The following LRRC58 variants were observed in gnomAD, a reference collection of about 807,000 sequenced individuals.
The protein encoded by LRRC58 is leucine-rich repeat-containing protein 58.
In LRRC58, 18 loss-of-function variants were observed where a neutral mutation model predicts 30.6. That is an observed-to-expected ratio of 0.59 (90% CI 0.41 to 0.87). LRRC58 has a LOEUF of 0.87. Among genes scored for constraint, LRRC58 ranks in the 40% least tolerant of loss-of-function variants. LRRC58 has a pLI of 0.00. For missense variants in LRRC58, 420 were observed against 468.4 expected (o/e 0.90, Z 0.95); for synonymous variants, 221 against 206.0 (o/e 1.07, Z -0.62).
Position 120,334,232 on chromosome 3 carries a change from T to C in LRRC58, c.907+630A>G, listed in dbSNP as rs148276757. Among the ~76,000 whole-genome samples, 217 of 152,166 alleles carry C rather than the reference T, an allele frequency of 1.4e-3. 2 individuals are homozygous for C. The East Asian group carries it at 0.031, about 22-fold the overall frequency. On this transcript the variant is annotated intron_variant, in intron 3 of 3. Transcript: ENST00000295628. ...ATAAATATAAAAGGTGGGCCGGGCG[T>C]GGTGGCTCACGCCTGTAATCCCAGC...
At chr3:120,335,181 G>GT (rs748355320) in intron 2 of LRRC58, 42 bp from the exon 3 acceptor site, 43 of 1,535,476 alleles carry the variant, frequency 2.8e-5, no homozygotes, top group Non-Finnish European at 3.3e-5. Flanking sequence ...AGTAAACAAC[G>GT]TAACTATCAA....
At chr3:120,336,317 G>A (rs896395119) in intron 1 of LRRC58, among the ~76,000 whole-genome samples, 10 of 152,208 alleles carry the variant, frequency 6.6e-5, no homozygotes, top group East Asian at 1.9e-4. Flanking sequence ...CTTCCCCAAA[G>A]GGCTGTGACT....
At chr3:120,337,800 ACTTC>A (rs1162884229) in intron 1 of LRRC58, among the ~76,000 whole-genome samples, 1 of 151,784 alleles carries the variant, frequency 6.6e-6, no homozygotes, top group Non-Finnish European at 1.5e-5. Context: ...ACTGCTAAAA[ACTTC>A]CTGAAATGAG....
At chr3:120,343,495 A>AAGAAAAGTACTCACT (rs1202137500) in intron 1 of LRRC58, among the ~76,000 whole-genome samples, 1 of 152,236 alleles carries the variant, frequency 6.6e-6, no homozygotes, top group Non-Finnish European at 1.5e-5. Flanking sequence ...TACAGAAAAC[A>AAGAAAAGTACTCACT]AGAAAAGTAC....
intron 3 of LRRC58, among the ~76,000 whole-genome samples, chr3:120,334,332 G>A (rs1314476515): frequency 7.3e-6 from 1 of 136,474 alleles, no homozygotes; most frequent in Non-Finnish European, 1.7e-5. Context: ...GTGAAACCCC[G>A]TCTCTACTAA....
rs1206466090 is a variant in LRRC58 at position 120,325,383 on chromosome 3, T to G, written c.*5817A>C. 3 of 152,256 alleles carry G rather than the reference T, an allele frequency of 2.0e-5. No individual in the cohort carries two copies. Among genetic ancestry groups the G allele is most frequent in the Non-Finnish European group, 4.4e-5 (3 of 68,046 alleles). The allele number at this position is 152,256 out of a possible 1,614,324, so 9.4% of individuals were successfully genotyped here. On this transcript the variant is annotated 3_prime_UTR_variant, in exon 4 of 4. Transcript: ENST00000295628. ...AAAGGAACAAGTACATTCTGGTGAATGCAGATGTTCTTTCCACCATAGGTT... is the reference window on the plus strand; with the variant it reads ...AAAGGAACAAGTACATTCTGGTGAAGGCAGATGTTCTTTCCACCATAGGTT...
In LRRC58 at chr3:120,331,349, G is replaced by A; in HGVS notation, c.967C>T (p.Arg323Cys). ...IKFVDFCGKY[R>C]LPLMHYLCSP... The stretch of plus-strand genomic sequence containing the variant: ...CACAAGTAGTGCATCAGTGGGAGGC[G>A]ATACTTCCCACAGAAGTCCACAAAT... Residue 323 changes from arginine (R) to cysteine (C), a missense_variant, in exon 4 of 4, where the codon CGC (arginine) becomes TGC (cysteine). Physicochemically the swap from Arg to Cys is radical, Grantham distance 180. Coordinates refer to ENST00000295628, the MANE Select transcript of LRRC58 (RefSeq NM_001099678.2). The A allele has an allele frequency of 1.9e-6, 3 of 1,613,794 alleles. No homozygotes were observed. Among genetic ancestry groups the A allele is most frequent in the Admixed American group, 1.7e-5 (1 of 60,026 alleles).
chr3:120,345,824 T>G (rs1179011032), intron 1 of LRRC58, among the ~76,000 whole-genome samples: 1 of 152,244 alleles, frequency 6.6e-6, no homozygotes, highest in Non-Finnish European at 1.5e-5. Context: ...ATATCATACA[T>G]TATTGGTGTC....
At position 120,335,078 on chromosome 3, in the gene LRRC58, T is replaced by A; in HGVS notation, c.691A>T (p.Ile231Phe). 6.2e-7 allele frequency: 1 copy of A among 1,613,930 alleles called. No homozygotes were observed. Among genetic ancestry groups the A allele is most frequent in the Non-Finnish European group, 8.5e-7 (1 of 1,179,856 alleles). Residue 231 changes from isoleucine (I) to phenylalanine (F), a missense_variant, in exon 3 of 4, where the codon ATC (isoleucine) becomes TTC (phenylalanine). Ile to Phe is a conservative substitution (Grantham distance 21). Coordinates refer to ENST00000295628, the MANE Select transcript of LRRC58 (RefSeq NM_001099678.2). ...NNLLTYLPRE[I>F]LNLIHLEELS... is the part of the protein sequence containing the mutation. ...TCTTCCAAATGAATAAGGTTGAGGA[T>A]CTCTCGAGGCAGATATGTCAGCAAG...
At chr3:120,340,666 G>A (rs941919676) in intron 1 of LRRC58, among the ~76,000 whole-genome samples, 5 of 152,100 alleles carry the variant, frequency 3.3e-5, no homozygotes, top group Non-Finnish European at 5.9e-5. Flanking sequence ...TTGAGGTCAC[G>A]AGTTCGAGAC....
In LRRC58 at chr3:120,328,840, A is replaced by G. The variant is rs1438577723; in HGVS notation, c.*2360T>C. On this transcript the variant is annotated 3_prime_UTR_variant, in exon 4 of 4. Coordinates refer to ENST00000295628, the MANE Select transcript of LRRC58 (RefSeq NM_001099678.2). ...GACGGCTAAATGTAGACTTCATTAA[A>G]AATTACCAAAAGACAGTTGTATGCT... The G allele has an allele frequency of 6.6e-6, 1 of 152,222 alleles. No individual in the cohort carries two copies. The highest frequency in any genetic ancestry group is 1.5e-5 in the Non-Finnish European group (1 of 68,016). 9.4% of individuals were successfully genotyped at this position (152,222 alleles called of 1,614,324 possible).
intron 1 of LRRC58, among the ~76,000 whole-genome samples, chr3:120,337,230 A>G (rs1935847185): frequency 1.3e-5 from 2 of 152,242 alleles, no homozygotes; most frequent in Non-Finnish European, 2.9e-5. Context: ...ATCCATAATT[A>G]GCATATAAGA....
At chr3:120,337,444 T>C (rs1345980175) in intron 1 of LRRC58, among the ~76,000 whole-genome samples, 1 of 152,230 alleles carries the variant, frequency 6.6e-6, no homozygotes, top group Non-Finnish European at 1.5e-5. Flanking sequence ...GTTCGTATCA[T>C]TTATCTATTT....
chr3:120,337,637 A>T (rs1157414775), intron 1 of LRRC58, among the ~76,000 whole-genome samples: 1 of 151,832 alleles, frequency 6.6e-6, no homozygotes, highest in Admixed American at 6.6e-5. Context: ...AACTGAGCAA[A>T]TTTTTTTTCT....
intron 1 of LRRC58, among the ~76,000 whole-genome samples, chr3:120,338,057 G>A (rs917017943): frequency 6.6e-6 from 1 of 152,108 alleles, no homozygotes; most frequent in African/African-American, 2.4e-5. Flanking sequence ...TAGCCAAGCT[G>A]GTCTCGAATT....
intron 1 of LRRC58, among the ~76,000 whole-genome samples, chr3:120,348,425 A>G (rs1333586942): frequency 6.6e-6 from 1 of 152,240 alleles, no homozygotes; most frequent in Non-Finnish European, 1.5e-5. Context: ...TTTTGAGCAA[A>G]GAAGTGACAA....
In LRRC58 at chr3:120,348,878, G is replaced by C. The variant is rs1199891818; in HGVS notation, c.366C>G (p.Leu122=). The C allele has an allele frequency of 1.3e-6, 2 of 1,594,654 alleles. No homozygotes were observed. The highest frequency in any genetic ancestry group is 2.3e-5 in the South Asian group (2 of 87,898). ...GLAQSPLCRS[L]QVLNLSGNCF... ...AGTTGCCGCTGAGGTTGAGCACCTGGAGGCTGCGGCAGAGCGGCGACTGGG... is the reference window on the plus strand; with the variant it reads ...AGTTGCCGCTGAGGTTGAGCACCTGCAGGCTGCGGCAGAGCGGCGACTGGG... The change falls in exon 1 of 4, where the codon CTC becomes CTG. Residue 122 remains leucine, a synonymous_variant. Coordinates refer to ENST00000295628, the MANE Select transcript of LRRC58 (RefSeq NM_001099678.2).
rs1935682170 is a variant in LRRC58 at position 120,326,855 on chromosome 3, TA to T, written c.*4344del. 6.6e-6 allele frequency: 1 copy of T among 152,238 alleles called. No homozygotes were observed. The highest frequency in any genetic ancestry group is 2.1e-4 in the South Asian group (1 of 4,832). 9.4% of individuals were successfully genotyped at this position (152,238 alleles called of 1,614,324 possible). ...TTAACTTTTTTTACATAGCTACTGC[TA>T]AAATGCTTTAAAAGACCAAATTTTA... is the stretch of plus-strand genomic sequence containing the variant. On this transcript the variant is annotated 3_prime_UTR_variant, in exon 4 of 4. Coordinates refer to ENST00000295628, the MANE Select transcript of LRRC58 (RefSeq NM_001099678.2).
intron 1 of LRRC58, among the ~76,000 whole-genome samples, chr3:120,340,976 ATT>A (rs1935898354): frequency 1.3e-5 from 2 of 152,172 alleles, no homozygotes; most frequent in South Asian, 2.1e-4. Context: ...TCAAAATTCC[ATT>A]TCTCTCTTTA....
Sources: allele counts gnomAD v4.1 joint callset (sites outside exome capture counted in the v4.1 genomes callset), GRCh38; gene constraint gnomAD v4.1.1; transcripts MANE v1.5; gene names NCBI Gene and HGNC (gene_info 2026-07-23, HGNC 2026-07-21).